The following ESRRB variants were observed in gnomAD, a reference collection of about 807,000 sequenced individuals.
ESRRB encodes the protein estrogen related receptor beta, also known as steroid hormone receptor ERR2.
ESRRB carries 16 observed loss-of-function variants against 46.0 expected under a neutral mutation model. The ratio of observed to expected loss-of-function variants is 0.35; its 90% CI spans 0.24 to 0.53. The LOEUF is 0.53. Ranked by LOEUF, ESRRB falls within the 20% of genes least tolerant of loss-of-function variation. The pLI is 0.93. For missense variants in ESRRB, 488 were observed against 607.4 expected (o/e 0.80, Z 2.07); for synonymous variants, 246 against 259.6 (o/e 0.95, Z 0.50).
At chr14:76,326,927 A>G (rs892424189) in intron 1 of ESRRB, among the ~76,000 whole-genome samples, 1 of 152,256 alleles carries the variant, frequency 6.6e-6, no homozygotes, top group Non-Finnish European at 1.5e-5. Context: ...TAGAGCAGCC[A>G]CGCCTGGGCC....
chr14:76,490,567 G>GT (rs1890184247), intron 5 of ESRRB, among the ~76,000 whole-genome samples: 1 of 152,210 alleles, frequency 6.6e-6, no homozygotes, highest in African/African-American at 2.4e-5. Context: ...AAGTTGCATG[G>GT]TTTTCACAAG....
intron 1 of ESRRB, among the ~76,000 whole-genome samples, chr14:76,343,609 G>C (rs935194809): frequency 3.9e-5 from 6 of 152,248 alleles, no homozygotes; most frequent in African/African-American, 1.4e-4. Flanking sequence ...CGAGGGGACT[G>C]TCAGCCAGGG....
intron 1 of ESRRB, among the ~76,000 whole-genome samples, chr14:76,354,953 C>T (rs1049437349): frequency 6.6e-6 from 1 of 151,988 alleles, no homozygotes; most frequent in Non-Finnish European, 1.5e-5. Context: ...TCAGGTGATC[C>T]ACCCACCTCA....
At chr14:76,430,690 G>A (rs75682742) in intron 1 of ESRRB, among the ~76,000 whole-genome samples, 2,266 of 152,344 alleles carry the variant, frequency 0.015, 71 homozygotes, top group African/African-American at 0.052. Context: ...GAGGTCCAGA[G>A]AGGATGACCT....
chr14:76,429,460 G>A (rs2139907918), intron 1 of ESRRB, among the ~76,000 whole-genome samples: 1 of 152,232 alleles, frequency 6.6e-6, no homozygotes, highest in South Asian at 2.1e-4. Flanking sequence ...TAATAAAATA[G>A]GCAGTTCAGG....
intron 1 of ESRRB, among the ~76,000 whole-genome samples, chr14:76,311,579 G>A (rs1883734922): frequency 6.6e-6 from 1 of 152,218 alleles, no homozygotes; most frequent in Admixed American, 6.5e-5. Flanking sequence ...GCTGTCATTG[G>A]CTCCCTCATT....
At chr14:76,454,854 A>G (rs965272494) in intron 2 of ESRRB, among the ~76,000 whole-genome samples, 12 of 152,322 alleles carry the variant, frequency 7.9e-5, no homozygotes, top group African/African-American at 2.9e-4. Context: ...TAGTTTAAAG[A>G]GTATAAAAGA....
At position 76,439,333 on chromosome 14, in the gene ESRRB, G is replaced by A. The variant is rs1226527875; in HGVS notation, c.51-8G>A. The A allele has an allele frequency of 6.8e-6, 11 of 1,613,580 alleles. No homozygotes were observed. Among genetic ancestry groups the A allele is most frequent in the Non-Finnish European group, 9.3e-6 (11 of 1,179,994 alleles). On this transcript the variant is annotated splice_polypyrimidine_tract_variant and splice_region_variant and intron_variant, in intron 1 of 6. Coordinates refer to ENST00000644823, the MANE Select transcript of ESRRB (RefSeq NM_001379180.1). ...TGCTGGGGCTGACTTCCCGATTTGT[G>A]TCCACAGGCTGCTGAACAGGATGTC...
At chr14:76,429,581 T>C (rs969905671) in intron 1 of ESRRB, among the ~76,000 whole-genome samples, 2 of 151,964 alleles carry the variant, frequency 1.3e-5, no homozygotes, top group Non-Finnish European at 2.9e-5. Context: ...AGAAACCCCG[T>C]CTCTACTAAA....
chr14:76,387,691 T>G (rs1885296095), intron 1 of ESRRB, among the ~76,000 whole-genome samples: 1 of 152,204 alleles, frequency 6.6e-6, no homozygotes. Flanking sequence ...GACCTCCAGC[T>G]GCTGAATATG....
rs1884415827 is a variant in ESRRB, at chr14:76,358,335, GA to G, written c.2+47422del. On this transcript the variant is annotated intron_variant, in intron 1 of 6. Coordinates refer to the ESRRB transcript ENST00000512784. The stretch of plus-strand genomic sequence containing the variant: ...TCAAAAAAAAAAAAAAAGAAAGAAA[GA>G]AAGAAAGAAAGAAAGAAAGAAAGAA... Among the ~76,000 whole-genome samples, 2 of 12,600 alleles carry G rather than the reference GA, an allele frequency of 1.6e-4. 1 individual carries two copies. Among genetic ancestry groups the G allele is most frequent in the Non-Finnish European group, 2.7e-4 (2 of 7,488 alleles). 8.3% of individuals were successfully genotyped at this position (12,600 alleles called of 152,430 possible).
intron 1 of ESRRB, among the ~76,000 whole-genome samples, chr14:76,433,050 CACACCCTTAAGAATCA>C (rs1443750395): frequency 1.3e-5 from 2 of 152,038 alleles, no homozygotes; most frequent in African/African-American, 2.4e-5. Flanking sequence ...CCTTAAGAAT[CACACCCTTAAGAATCA>C]ACACCCTTAA....
chr14:76,492,055 A>G (rs1003205915), intron 6 of ESRRB, among the ~76,000 whole-genome samples: 1 of 152,240 alleles, frequency 6.6e-6, no homozygotes, highest in Admixed American at 6.5e-5. Context: ...TTCATCAGTA[A>G]AAGGAGGGCA....
intron 1 of ESRRB, among the ~76,000 whole-genome samples, chr14:76,331,517 A>G (rs1477436690): frequency 1.3e-5 from 2 of 152,004 alleles, no homozygotes; most frequent in African/African-American, 4.8e-5. Context: ...TGGTTGGGGG[A>G]GAGGCTATCA....
intron 6 of ESRRB, among the ~76,000 whole-genome samples, chr14:76,493,775 G>C (rs1320715533): frequency 2.0e-5 from 3 of 152,224 alleles, no homozygotes; most frequent in Non-Finnish European, 4.4e-5. Context: ...GGGTGCTGTT[G>C]ATGACCCACT....
chr14:76,336,416 G>A (rs1443814622), intron 1 of ESRRB, among the ~76,000 whole-genome samples: 1 of 152,238 alleles, frequency 6.6e-6, no homozygotes, highest in Non-Finnish European at 1.5e-5. Context: ...TTAATAGAGA[G>A]CAGGCAGCAG....
chr14:76,453,678 G>A (rs757278071), intron 2 of ESRRB, among the ~76,000 whole-genome samples: 7 of 146,640 alleles, frequency 4.8e-5, no homozygotes, highest in African/African-American at 1.8e-4. Flanking sequence ...GCTCACTGCC[G>A]CCTCAGCCTC....
chr14:76,324,023 T>C (rs927986218), intron 1 of ESRRB, among the ~76,000 whole-genome samples: 2 of 151,898 alleles, frequency 1.3e-5, no homozygotes, highest in Non-Finnish European at 2.9e-5. Context: ...TTCTGAGAGG[T>C]AGGGGAGGAG....
At chr14:76,490,532 T>C (rs1001595657) in intron 5 of ESRRB, among the ~76,000 whole-genome samples, 1 of 152,206 alleles carries the variant, frequency 6.6e-6, no homozygotes, top group African/African-American at 2.4e-5. Flanking sequence ...TACTATTTCC[T>C]AGATGAGGAA....
Sources: allele counts gnomAD v4.1 joint callset (sites outside exome capture counted in the v4.1 genomes callset), GRCh38; gene constraint gnomAD v4.1.1; transcripts MANE v1.5; gene names NCBI Gene and HGNC (gene_info 2026-07-23, HGNC 2026-07-21).